DCBLD2: variants seen among roughly 807,000 people sequenced by gnomAD.
DCBLD2 encodes the protein discoidin, CUB and LCCL domain-containing protein 2.
A neutral mutation model predicts 86.8 loss-of-function variants in DCBLD2; 54 were observed. That is an observed-to-expected ratio of 0.62 (90% CI 0.50 to 0.78). DCBLD2 has a LOEUF of 0.78. DCBLD2 is among the 30% of genes least tolerant of loss of function. The pLI is 0.00. For synonymous variants in DCBLD2, 354 were observed against 341.3 expected (o/e 1.04, Z -0.41); for missense variants, 908 against 954.2 (o/e 0.95, Z 0.64).
At chr3:98,900,935 C>A (rs1943836814) in intron 1 of DCBLD2, 187 bp downstream of exon 1, 4 of 1,052,084 alleles carry the variant, frequency 3.8e-6, no homozygotes, top group Non-Finnish European at 5.3e-6. Flanking sequence ...TAAAGCCGCG[C>A]CAACTTGGGG....
chr3:98,818,024 G>A (rs1480577209), intron 8 of DCBLD2, 131 bp from the exon 9 acceptor site: 2 of 1,159,714 alleles, frequency 1.7e-6, no homozygotes, highest in Non-Finnish European at 2.4e-6. Flanking sequence ...ATATCCAAGT[G>A]CACGTTTTTG....
At chr3:98,856,020 A>T (rs1419213775) in intron 2 of DCBLD2, among the ~76,000 whole-genome samples, 2 of 152,220 alleles carry the variant, frequency 1.3e-5, no homozygotes, top group Non-Finnish European at 2.9e-5. Context: ...AATGAGTCAT[A>T]ATAATGTGAA....
At chr3:98,807,401 G>A (rs1309442914) in intron 13 of DCBLD2, among the ~76,000 whole-genome samples, 3 of 152,132 alleles carry the variant, frequency 2.0e-5, no homozygotes, top group Non-Finnish European at 4.4e-5. Flanking sequence ...GCCCTTACAG[G>A]AAAGGCCTGA....
chr3:98,838,691 C>T (rs1047777448), intron 3 of DCBLD2, among the ~76,000 whole-genome samples: 1 of 152,102 alleles, frequency 6.6e-6, no homozygotes, highest in African/African-American at 2.4e-5. Flanking sequence ...GAGGCCAAGG[C>T]AGGCGGCTGG....
intron 14 of DCBLD2, 161 bp downstream of exon 14, chr3:98,801,439 G>T: frequency 2.1e-6 from 1 of 484,514 alleles, no homozygotes; most frequent in Non-Finnish European, 3.7e-6. Context: ...AAGAGACTTT[G>T]CAGAAGGGTA....
Position 98,881,639 on chromosome 3 carries a change from G to A in DCBLD2, c.334C>T (p.Arg112Cys), listed in dbSNP as rs552875339. 1.9e-5 allele frequency: 30 copies of A among 1,613,804 alleles called. No individual in the cohort carries two copies. In the African/African-American group the frequency reaches 2.8e-4, roughly 15 times the overall value. The change falls in exon 2 of 16, where the codon CGC becomes TGC. Residue 112 changes from arginine (R) to cysteine (C), a missense_variant. By Grantham distance (180) the Arg-to-Cys change is radical. Around this residue, in one of 3 missense-constraint regions of DCBLD2, gnomAD observed 294 missense variants for 256.0 expected, o/e 1.15. Transcript: ENST00000326840. ...ATGTCAAAGTCACCAAATTTGATGC[G>A]AACTCTCTCTCCCATCTTTACACGG... ...EIRVKMGERVRIKFGDFDIED... is the reference protein window; with the variant it reads ...EIRVKMGERVCIKFGDFDIED...
chr3:98,844,034 G>GCGCACACACACACACA (rs1553727568), intron 3 of DCBLD2, among the ~76,000 whole-genome samples: 2 of 145,526 alleles, frequency 1.4e-5, no homozygotes, highest in African/African-American at 2.5e-5. Context: ...AATCATGCAT[G>GCGCACACACACACACA]CACACACACA....
At chr3:98,892,240 A>T (rs2107531182) in intron 1 of DCBLD2, among the ~76,000 whole-genome samples, 1 of 152,242 alleles carries the variant, frequency 6.6e-6, no homozygotes, top group African/African-American at 2.4e-5. Context: ...ACGGATGAGG[A>T]TACCACCACC....
At chr3:98,830,786 A>T (rs559407618) in intron 3 of DCBLD2, among the ~76,000 whole-genome samples, 1 of 152,318 alleles carries the variant, frequency 6.6e-6, no homozygotes, top group Non-Finnish European at 1.5e-5. Flanking sequence ...TGTCATTGGA[A>T]GTTTGATAAC....
intron 12 of DCBLD2, among the ~76,000 whole-genome samples, chr3:98,809,231 T>C (rs945957992): frequency 4.6e-5 from 7 of 152,146 alleles, no homozygotes; most frequent in African/African-American, 1.4e-4. Flanking sequence ...GTTTCTTCCT[T>C]TGTCGCTCAA....
intron 2 of DCBLD2, among the ~76,000 whole-genome samples, chr3:98,864,475 C>G (rs534327956): frequency 2.0e-5 from 3 of 152,238 alleles, no homozygotes; most frequent in South Asian, 2.1e-4. Context: ...CAATGATAGA[C>G]TAGATTAAGA....
chr3:98,857,768 C>G (rs1219706445), intron 2 of DCBLD2, among the ~76,000 whole-genome samples: 1 of 152,224 alleles, frequency 6.6e-6, no homozygotes, highest in Non-Finnish European at 1.5e-5. Flanking sequence ...TTCACAAACC[C>G]TGAGCCACAC....
chr3:98,893,930 T>G (rs1316190746), intron 1 of DCBLD2, among the ~76,000 whole-genome samples: 2 of 152,186 alleles, frequency 1.3e-5, no homozygotes, highest in African/African-American at 2.4e-5. Flanking sequence ...ACTTGGGACT[T>G]GATTAGCCAG....
At chr3:98,849,842 T>C (rs564364453) in intron 2 of DCBLD2, among the ~76,000 whole-genome samples, 1 of 152,252 alleles carries the variant, frequency 6.6e-6, no homozygotes, top group East Asian at 1.9e-4. Flanking sequence ...AGAGATTAAT[T>C]TCCTGTGAAA....
At chr3:98,871,046 CA>C (rs1943274983) in intron 2 of DCBLD2, among the ~76,000 whole-genome samples, 8 of 148,434 alleles carry the variant, frequency 5.4e-5, no homozygotes, top group Admixed American at 5.3e-4. Flanking sequence ...CCTTTTTTTG[CA>C]ACAATTGTAA....
In DCBLD2 at chr3:98,824,149, G is replaced by A. The variant is rs150458224; in HGVS notation, c.623+1166C>T. Among the ~76,000 whole-genome samples, 19 of 152,262 alleles carry A rather than the reference G, an allele frequency of 1.2e-4. 1 individual carries two copies. The highest frequency in any genetic ancestry group is 4.3e-4 in the African/African-American group (18 of 41,554). ...GTAATGCAGGAGCCTTGTGGGCTAT[G>A]GTGAAGAGTATGGAATATATTTCTA... On this transcript the variant is annotated intron_variant, in intron 4 of 15. Coordinates refer to ENST00000326840, the MANE Select transcript of DCBLD2 (RefSeq NM_080927.4).
chr3:98,863,838 A>C (rs1045631443), intron 2 of DCBLD2, among the ~76,000 whole-genome samples: 1 of 152,246 alleles, frequency 6.6e-6, no homozygotes, highest in Middle Eastern at 3.2e-3. Flanking sequence ...AATGGCAACA[A>C]AAGCCAAAAT....
intron 1 of DCBLD2, among the ~76,000 whole-genome samples, chr3:98,882,822 T>C (rs888966990): frequency 5.3e-5 from 8 of 152,230 alleles, no homozygotes; most frequent in South Asian, 2.1e-4. Context: ...AGTCTATTAC[T>C]GATGAACACT....
At chr3:98,832,142 T>C (rs1004309184) in intron 3 of DCBLD2, among the ~76,000 whole-genome samples, 4 of 152,222 alleles carry the variant, frequency 2.6e-5, no homozygotes, top group Admixed American at 6.5e-5. Flanking sequence ...AGTGCATATA[T>C]ATTTAGAATA....
Sources: allele counts gnomAD v4.1 joint callset (sites outside exome capture counted in the v4.1 genomes callset), GRCh38; gene constraint gnomAD v4.1.1; regional missense constraint gnomAD v4.1.1; transcripts MANE v1.5; gene names NCBI Gene and HGNC (gene_info 2026-07-23, HGNC 2026-07-21).